Variants in DSTN observed in about 807,000 individuals in gnomAD.
DSTN encodes the protein destrin.
DSTN carries 10 observed loss-of-function variants against 16.8 expected under a neutral mutation model. That is an observed-to-expected ratio of 0.60 (90% CI 0.37 to 1.01). The LOEUF (loss-of-function observed/expected upper bound fraction) is 1.01. Among genes scored for constraint, DSTN ranks in the 50% least tolerant of loss-of-function variants. DSTN has a pLI of 0.01. For missense variants in DSTN, 141 were observed against 196.7 expected, an observed-to-expected ratio of 0.72 and a Z score of 1.69; for synonymous variants, 57 against 58.9, an observed-to-expected ratio of 0.97 and a Z score of 0.14.
chr20:17,605,192 G>T, intron 3 of DSTN: 1 of 456,272 alleles, frequency 2.2e-6, no homozygotes, highest in Non-Finnish European at 4.4e-6. Flanking sequence ...GGCCTGGCCA[G>T]ACTTCAGCCA....
At chr20:17,574,801 TTCTTTC>T (rs2035252360) in intron 1 of DSTN, among the ~76,000 whole-genome samples, 1 of 150,450 alleles carries the variant, frequency 6.6e-6, no homozygotes, top group South Asian at 2.1e-4. Flanking sequence ...TGACTTTCTT[TTCTTTC>T]TCCTTTCCTT....
At chr20:17,572,857 T>G (rs1296066713) in intron 1 of DSTN, among the ~76,000 whole-genome samples, 1 of 152,240 alleles carries the variant, frequency 6.6e-6, no homozygotes, top group African/African-American at 2.4e-5. Flanking sequence ...AACAGGGCTA[T>G]CTTATTGCCA....
chr20:17,603,256 A>C (rs1373645799), intron 2 of DSTN, among the ~76,000 whole-genome samples: 2 of 152,162 alleles, frequency 1.3e-5, no homozygotes, highest in Non-Finnish European at 2.9e-5. Flanking sequence ...ATGGCAGCTA[A>C]ATGGAATTAT....
At chr20:17,580,474 G>T (rs1450705123) in intron 1 of DSTN, among the ~76,000 whole-genome samples, 1 of 152,188 alleles carries the variant, frequency 6.6e-6, no homozygotes, top group Non-Finnish European at 1.5e-5. Flanking sequence ...AAGGCCAGGC[G>T]TGGTGACTCA....
At chr20:17,596,541 G>C in intron 1 of DSTN, 1 of 831,168 alleles carries the variant, frequency 1.2e-6, no homozygotes, top group Non-Finnish European at 1.4e-6. Flanking sequence ...ATATTGGTTT[G>C]ACTTTGACAT....
chr20:17,582,649 C>T (rs1414823526), intron 1 of DSTN, among the ~76,000 whole-genome samples: 1 of 152,072 alleles, frequency 6.6e-6, no homozygotes, highest in Non-Finnish European at 1.5e-5. Context: ...TGGATATCCG[C>T]ATGCAAAAGA....
intron 1 of DSTN, among the ~76,000 whole-genome samples, chr20:17,595,740 A>G (rs1222290167): frequency 6.6e-6 from 1 of 152,202 alleles, no homozygotes; most frequent in African/African-American, 2.4e-5. Context: ...TTAAGATGCA[A>G]ATAGTGATAG....
chr20:17,587,632 A>G (rs1464156775), intron 1 of DSTN, among the ~76,000 whole-genome samples: 1 of 152,000 alleles, frequency 6.6e-6, no homozygotes, highest in Non-Finnish European at 1.5e-5. Context: ...TGGAGGCATT[A>G]TTCTTTTTTT....
At chr20:17,584,404 C>CT (rs1454528090) in intron 1 of DSTN, among the ~76,000 whole-genome samples, 1 of 152,142 alleles carries the variant, frequency 6.6e-6, no homozygotes, top group African/African-American at 2.4e-5. Flanking sequence ...AATCCCTGCA[C>CT]TTTGGGAGGC....
In DSTN at chr20:17,570,169, C is replaced by G; in HGVS notation, c.-40C>G. 1 of 1,518,256 alleles carries G rather than the reference C, an allele frequency of 6.6e-7. No homozygotes were observed. 94.0% of individuals were successfully genotyped at this position (1,518,256 alleles called of 1,614,324 possible). On this transcript the variant is annotated 5_prime_UTR_variant, in exon 1 of 4. Transcript: ENST00000246069. ...GACGGTCTGCATACTCGCTGCCCGC[C>G]GGCTCCCTCCCCCGCGTCCCTGCGA...
At chr20:17,571,402 G>C (rs1460510259) in intron 1 of DSTN, among the ~76,000 whole-genome samples, 2 of 152,226 alleles carry the variant, frequency 1.3e-5, no homozygotes, top group African/African-American at 4.8e-5. Context: ...GCCCCTTAGT[G>C]AAAGAAAAGA....
rs759248135 is a variant in DSTN, at chr20:17,600,812, A to G, written c.78A>G (p.Pro26=). ...TGAAAGTTCGTAAATGCTCCACACC[A>G]GAAGAAATCAAGAAAAGAAAGAAGG... The part of the protein sequence containing the change: ...YDMKVRKCST[P]EEIKKRKKAV... The change falls in exon 2 of 4, where the codon CCA becomes CCG. Residue 26 remains proline, a synonymous_variant. Coordinates refer to ENST00000246069, the MANE Select transcript of DSTN (RefSeq NM_006870.4). 1.2e-6 allele frequency: 2 copies of G among 1,613,862 alleles called. No individual in the cohort carries two copies. The highest frequency in any genetic ancestry group is 2.2e-5 in the East Asian group (1 of 44,866).
intron 1 of DSTN, among the ~76,000 whole-genome samples, chr20:17,591,500 G>A (rs2035468894): frequency 1.3e-5 from 2 of 152,072 alleles, no homozygotes; most frequent in South Asian, 4.1e-4. Context: ...TACCACTACT[G>A]CTTCATTATA....
chr20:17,593,772 T>C (rs539356213), intron 1 of DSTN, among the ~76,000 whole-genome samples: 158 of 152,196 alleles, frequency 1.0e-3, no homozygotes, highest in Middle Eastern at 3.4e-3. Context: ...AAGAGGTAGG[T>C]ATAGCCAAAT....
chr20:17,605,586 G>A (rs1240188479), intron 3 of DSTN, among the ~76,000 whole-genome samples: 1 of 152,180 alleles, frequency 6.6e-6, no homozygotes, highest in Non-Finnish European at 1.5e-5. Context: ...GAGCCTTGCT[G>A]CTGCATAGTT....
In DSTN at chr20:17,609,749, T is replaced by C. The variant is rs1376437045; in HGVS notation, c.*2603T>C. On this transcript the variant is annotated 3_prime_UTR_variant, in exon 4 of 4. Transcript: ENST00000246069. ...CAGACCTCAGCTGATTGGTCTACTG[T>C]TGGTCAGGAACAAAACTGCAAGTAT... The C allele has an allele frequency of 1.3e-5, 2 of 152,204 alleles. No individual in the cohort carries two copies. The highest frequency in any genetic ancestry group is 4.8e-5 in the African/African-American group (2 of 41,456). 9.4% of individuals were successfully genotyped at this position (152,204 alleles called of 1,614,324 possible). A position where few individuals can be genotyped will look rare whatever the true frequency, so the allele number is the denominator to read the frequency against.
chr20:17,600,430 C>A (rs1316264672), intron 1 of DSTN, among the ~76,000 whole-genome samples: 1 of 152,080 alleles, frequency 6.6e-6, no homozygotes, highest in African/African-American at 2.4e-5. Flanking sequence ...TCTAAGCAAC[C>A]TGTATAAGAA....
At chr20:17,596,648 G>C in intron 1 of DSTN, 3 of 985,328 alleles carry the variant, frequency 3.0e-6, no homozygotes, top group Non-Finnish European at 3.6e-6. Flanking sequence ...TCTGCTTCCA[G>C]TTTCTGTGCC....
At chr20:17,570,974 G>GTGGGA (rs1232588434) in intron 1 of DSTN, among the ~76,000 whole-genome samples, 1 of 152,198 alleles carries the variant, frequency 6.6e-6, no homozygotes, top group Non-Finnish European at 1.5e-5. Flanking sequence ...TGCGCAAGGT[G>GTGGGA]TGGGCATGAT....
Sources: allele counts gnomAD v4.1 joint callset (sites outside exome capture counted in the v4.1 genomes callset), GRCh38; gene constraint gnomAD v4.1.1; transcripts MANE v1.5; gene names NCBI Gene and HGNC (gene_info 2026-07-23, HGNC 2026-07-21).